GALNT10: variants seen among roughly 807,000 people sequenced by gnomAD.
GALNT10 encodes GalNAc transferase 10.
A neutral mutation model predicts 75.0 loss-of-function variants in GALNT10; 41 were observed. The ratio of observed to expected loss-of-function variants is 0.55; its 90% CI spans 0.43 to 0.71. The LOEUF (loss-of-function observed/expected upper bound fraction) is 0.71. GALNT10 is among the 30% of genes least tolerant of loss of function. GALNT10 has a pLI of 0.00. For missense variants in GALNT10, 727 were observed against 818.5 expected (o/e 0.89, Z 1.36); for synonymous variants, 302 against 313.0 (o/e 0.96, Z 0.37).
intron 4 of GALNT10, among the ~76,000 whole-genome samples, chr5:154,342,190 A>C (rs1755044734): frequency 6.6e-6 from 1 of 152,182 alleles, no homozygotes; most frequent in Non-Finnish European, 1.5e-5. Context: ...TATGGGAATG[A>C]GATGAAATTA....
In GALNT10 at chr5:154,389,738, A is replaced by G. The variant is rs114886468; in HGVS notation, c.1056+3308A>G. 6.7e-4 allele frequency among the ~76,000 whole-genome samples: 102 copies of G among 152,124 alleles called. 1 individual carries two copies. The highest frequency in any genetic ancestry group is 2.4e-3 in the African/African-American group (99 of 41,530). ...TTTCATAAAAAAGACTCCAATAAAT[A>G]TAAGTATAAAAAATAATACAATTAA... On this transcript the variant is annotated intron_variant, in intron 7 of 11. Transcript: ENST00000297107.
At position 154,360,473 on chromosome 5, in the gene GALNT10, A is replaced by C. The variant is rs1237269417; in HGVS notation, c.569-15804A>C. ...TCTAAAAAAAAAAAAAAAACAAAAC[A>C]AAACCGCACTGGATCCACATGACAT... On this transcript the variant is annotated intron_variant, in intron 4 of 11. Coordinates refer to ENST00000297107, the MANE Select transcript of GALNT10 (RefSeq NM_198321.4). 4.6e-5 allele frequency among the ~76,000 whole-genome samples: 7 copies of C among 151,902 alleles called. No homozygotes were observed. In the East Asian group the frequency reaches 1.2e-3, roughly 25 times the overall value.
At chr5:154,283,954 C>G (rs183275118) in intron 1 of GALNT10, among the ~76,000 whole-genome samples, 1 of 152,192 alleles carries the variant, frequency 6.6e-6, no homozygotes, top group Non-Finnish European at 1.5e-5. Context: ...GAAAGATTCT[C>G]AAAGTCTGGG....
Position 154,418,653 on chromosome 5 carries a change from TG to T in GALNT10, c.*1686del, listed in dbSNP as rs941857026. On this transcript the variant is annotated 3_prime_UTR_variant, in exon 12 of 12. Transcript: ENST00000297107. ...GGCAGATCTCAAGGCCATCAATTAT[TG>T]GGGGAGGGAGGGACAAACACTCCCA... is the stretch of plus-strand genomic sequence containing the variant. The T allele has an allele frequency of 3.3e-5, 5 of 152,142 alleles. No homozygotes were observed. The highest frequency in any genetic ancestry group is 9.7e-5 in the African/African-American group (4 of 41,428). The allele number at this position is 152,142 out of a possible 1,614,324, so 9.4% of individuals were successfully genotyped here.
At chr5:154,388,063 C>T (rs1031275681) in intron 7 of GALNT10, 5 of 151,962 alleles carry the variant, frequency 3.3e-5, no homozygotes, top group Admixed American at 2.0e-4. Flanking sequence ...CACCACCACG[C>T]CCAGCTAATG....
intron 1 of GALNT10, among the ~76,000 whole-genome samples, chr5:154,273,784 G>A (rs927851341): frequency 6.6e-5 from 10 of 152,204 alleles, no homozygotes; most frequent in African/African-American, 1.9e-4. Context: ...TAAAAATGCC[G>A]TGAAGGAGTT....
At chr5:154,384,707 A>G (rs1414378868) in intron 6 of GALNT10, among the ~76,000 whole-genome samples, 1 of 152,176 alleles carries the variant, frequency 6.6e-6, no homozygotes, top group East Asian at 1.9e-4. Context: ...TGCATGCATC[A>G]CCTGCTTCTC....
At chr5:154,280,442 T>G (rs995705625) in intron 1 of GALNT10, among the ~76,000 whole-genome samples, 1 of 152,116 alleles carries the variant, frequency 6.6e-6, no homozygotes, top group East Asian at 1.9e-4. Flanking sequence ...GTGATCAAGG[T>G]TTGAGGTGAT....
intron 7 of GALNT10, chr5:154,387,934 T>C (rs1344621313): frequency 6.7e-6 from 1 of 149,230 alleles, no homozygotes; most frequent in Non-Finnish European, 1.5e-5. Context: ...AGATGGAGTT[T>C]CACTCTGCTG....
intron 1 of GALNT10, among the ~76,000 whole-genome samples, chr5:154,242,387 G>T (rs1376961884): frequency 6.6e-6 from 1 of 152,130 alleles, no homozygotes; most frequent in Non-Finnish European, 1.5e-5. Flanking sequence ...GACTGTTATG[G>T]TTTGAGAATT....
At chr5:154,232,343 A>G (rs773881555) in intron 1 of GALNT10, among the ~76,000 whole-genome samples, 2 of 152,212 alleles carry the variant, frequency 1.3e-5, no homozygotes, top group South Asian at 2.1e-4. Context: ...TGTGAGCTTG[A>G]TAATGGTCAA....
intron 4 of GALNT10, chr5:154,356,055 T>C: frequency 2.2e-6 from 1 of 448,300 alleles, no homozygotes; most frequent in Non-Finnish European, 4.5e-6. Flanking sequence ...TCTGTTTTGG[T>C]ATTTAGAATG....
intron 1 of GALNT10, 63 bp downstream of exon 1, chr5:154,191,088 G>T: frequency 1.7e-6 from 2 of 1,152,626 alleles, no homozygotes; most frequent in Non-Finnish European, 2.3e-6. Context: ...TTAGCCTGTG[G>T]TTCCTTCCTC....
At chr5:154,406,885 A>G (rs1197614409) in intron 8 of GALNT10, among the ~76,000 whole-genome samples, 1 of 152,128 alleles carries the variant, frequency 6.6e-6, no homozygotes, top group Non-Finnish European at 1.5e-5. Flanking sequence ...GATAGATTTG[A>G]GAGTTGTCCT....
intron 1 of GALNT10, among the ~76,000 whole-genome samples, chr5:154,236,562 C>T (rs531656922): frequency 8.7e-4 from 133 of 152,326 alleles, no homozygotes; most frequent in African/African-American, 3.0e-3. Flanking sequence ...TGTAAACCCA[C>T]TTGAAAGCAG....
intron 3 of GALNT10, among the ~76,000 whole-genome samples, chr5:154,310,335 G>C (rs1457882125): frequency 6.6e-6 from 1 of 152,130 alleles, no homozygotes; most frequent in Non-Finnish European, 1.5e-5. Flanking sequence ...TAGGTTGTTA[G>C]CGAGGCTGTT....
chr5:154,329,860 G>T, intron 4 of GALNT10, 122 bp downstream of exon 4: 1 of 641,418 alleles, frequency 1.6e-6, no homozygotes. Context: ...CTAAATGCCT[G>T]GACGTTGCAC....
intron 3 of GALNT10, among the ~76,000 whole-genome samples, chr5:154,299,908 C>T (rs1220983086): frequency 1.3e-5 from 2 of 150,624 alleles, no homozygotes; most frequent in Admixed American, 1.3e-4. Context: ...GATCTCAGCT[C>T]ACTGCAACCT....
intron 4 of GALNT10, among the ~76,000 whole-genome samples, chr5:154,346,424 T>C (rs773766091): frequency 2.0e-5 from 3 of 152,226 alleles, no homozygotes; most frequent in African/African-American, 4.8e-5. Context: ...CAAAGCTCAT[T>C]CTCTAATAAC....
Sources: gnomAD v4.1 joint callset for allele counts (sites outside exome capture counted in the v4.1 genomes callset) on GRCh38, gnomAD v4.1.1 for gene constraint, MANE v1.5 for transcripts, NCBI Gene and HGNC (gene_info 2026-07-23, HGNC 2026-07-21) for gene names.